The following ACSF3 variants were observed in gnomAD, a reference collection of about 807,000 sequenced individuals.
The protein encoded by ACSF3 is malonate--CoA ligase ACSF3, mitochondrial.
In ACSF3, 78 loss-of-function variants were observed where a neutral mutation model predicts 53.2. That is an observed-to-expected ratio of 1.47 (90% confidence interval 1.22 to 1.77). The LOEUF (loss-of-function observed/expected upper bound fraction) is 1.77. Ranked by LOEUF, ACSF3 falls within the 40% of genes most tolerant of loss-of-function variation. The pLI is 0.00. For synonymous variants in ACSF3, 414 were observed against 333.1 expected (o/e 1.24, Z -2.65); for missense variants, 937 against 771.1 (o/e 1.22, Z -2.55).
intron 4 of ACSF3, among the ~76,000 whole-genome samples, chr16:89,109,779 G>C (rs1976473122): frequency 6.6e-6 from 1 of 152,100 alleles, no homozygotes; most frequent in African/African-American, 2.4e-5. Context: ...CAGAAACAGA[G>C]CCTCCCTATG....
At chr16:89,115,564 G>A (rs959199591) in intron 6 of ACSF3, among the ~76,000 whole-genome samples, 3 of 152,356 alleles carry the variant, frequency 2.0e-5, no homozygotes, top group Middle Eastern at 3.4e-3. Flanking sequence ...TTTAAGCAAT[G>A]ACACGTGAGA....
At chr16:89,123,704 G>A (rs746986569) in intron 7 of ACSF3, among the ~76,000 whole-genome samples, 1 of 152,216 alleles carries the variant, frequency 6.6e-6, no homozygotes, top group Non-Finnish European at 1.5e-5. Context: ...ATATTTGTCA[G>A]GAAACAGAAA....
intron 1 of ACSF3, among the ~76,000 whole-genome samples, chr16:89,094,395 A>C (rs1974367194): frequency 6.6e-6 from 1 of 152,110 alleles, no homozygotes; most frequent in African/African-American, 2.4e-5. Context: ...TGCTGCGTGC[A>C]CCTTGCTGGG....
intron 8 of ACSF3, among the ~76,000 whole-genome samples, chr16:89,142,518 T>C (rs76750085): frequency 4.8e-4 from 51 of 107,270 alleles, no homozygotes; most frequent in African/African-American, 1.7e-3. Context: ...TGCAGAGACA[T>C]ACCCACACCT....
chr16:89,140,076 C>T (rs1035499094), intron 8 of ACSF3, among the ~76,000 whole-genome samples: 1 of 152,234 alleles, frequency 6.6e-6, no homozygotes. Flanking sequence ...AAGCCTCTTT[C>T]ACCCTTGGCC....
At chr16:89,153,884 C>T (rs553817375) in intron 10 of ACSF3, 24 of 606,580 alleles carry the variant, frequency 4.0e-5, no homozygotes, top group African/African-American at 2.2e-4. Context: ...AACACCATGC[C>T]GGGCACCTCC....
chr16:89,147,970 G>T (rs1913416869), intron 10 of ACSF3: 1 of 152,208 alleles, frequency 6.6e-6, no homozygotes, highest in African/African-American at 2.4e-5. Context: ...TACAGTGGGG[G>T]TGCAGGCATT....
At chr16:89,133,557 C>A (rs868455915) in intron 8 of ACSF3, among the ~76,000 whole-genome samples, 1 of 152,196 alleles carries the variant, frequency 6.6e-6, no homozygotes, top group African/African-American at 2.4e-5. Context: ...CCGGCACGCA[C>A]GCACCCTGAC....
chr16:89,106,992 C>T (rs1976062865), intron 4 of ACSF3, among the ~76,000 whole-genome samples: 1 of 152,246 alleles, frequency 6.6e-6, no homozygotes, highest in Admixed American at 6.5e-5. Context: ...TCACTCGTCT[C>T]CAACAGCACT....
At chr16:89,142,542 CACCT>C (rs1461013270) in intron 8 of ACSF3, among the ~76,000 whole-genome samples, 5 of 112,134 alleles carry the variant, frequency 4.5e-5, no homozygotes, top group Non-Finnish European at 7.7e-5. Context: ...GACACACCCA[CACCT>C]GCAGACACAC....
intron 6 of ACSF3, among the ~76,000 whole-genome samples, chr16:89,118,730 T>A (rs1905841756): frequency 6.6e-6 from 1 of 152,204 alleles, no homozygotes; most frequent in African/African-American, 2.4e-5. Context: ...CCTGGGCCAC[T>A]CTGTGGCATT....
rs114033092 is a variant in ACSF3, at chr16:89,144,536, G to A, written c.1367-731G>A. On this transcript the variant is annotated intron_variant, in intron 8 of 10. Transcript: ENST00000614302. ...TGGGCATTCACTGCTGGAGCCCACC[G>A]TGGTGGGATGTTGTAATGTGTCTGG... Among the ~76,000 whole-genome samples the A allele has an allele frequency of 3.0e-3, 451 of 152,352 alleles. 6 individuals carry two copies. Among genetic ancestry groups the A allele is most frequent in the African/African-American group, 0.01 (417 of 41,586 alleles).
intron 6 of ACSF3, 64 bp from the exon 7 acceptor site, chr16:89,120,737 G>A: frequency 1.3e-6 from 2 of 1,498,570 alleles, no homozygotes; most frequent in East Asian, 4.5e-5. Flanking sequence ...AGCTCAGTGT[G>A]TGCTTCTCTC....
intron 10 of ACSF3, 39 bp from the exon 11 acceptor site, chr16:89,154,051 G>T: frequency 6.2e-7 from 1 of 1,600,264 alleles, no homozygotes; most frequent in Admixed American, 1.7e-5. Context: ...GCTGGGCACT[G>T]TCAGGGCAGT....
intron 7 of ACSF3, among the ~76,000 whole-genome samples, chr16:89,124,714 G>T (rs1907612169): frequency 6.6e-6 from 1 of 151,912 alleles, no homozygotes; most frequent in South Asian, 2.1e-4. Context: ...TGATACCCAT[G>T]TGCGCACTGC....
At chr16:89,124,482 A>G (rs1057279885) in intron 7 of ACSF3, among the ~76,000 whole-genome samples, 1 of 76,288 alleles carries the variant, frequency 1.3e-5, no homozygotes, top group South Asian at 3.3e-4. Context: ...ATACCCGTGC[A>G]CACACTGAGT....
intron 10 of ACSF3, among the ~76,000 whole-genome samples, chr16:89,147,062 A>T (rs1913093910): frequency 6.6e-6 from 1 of 151,668 alleles, no homozygotes; most frequent in Non-Finnish European, 1.5e-5. Flanking sequence ...GGGAGGCCTC[A>T]GGAAACTTAC....
chr16:89,110,659 A>G (rs1255324429), intron 4 of ACSF3, among the ~76,000 whole-genome samples: 2 of 152,144 alleles, frequency 1.3e-5, no homozygotes, highest in East Asian at 1.9e-4. Context: ...TTTCGTGTAA[A>G]ACGTAGGATA....
chr16:89,142,353 GC>G (rs1489278926), intron 8 of ACSF3, among the ~76,000 whole-genome samples: 1 of 152,194 alleles, frequency 6.6e-6, no homozygotes, highest in Non-Finnish European at 1.5e-5. Flanking sequence ...GGGTCTCAGG[GC>G]CTGACCATGC....
Sources: gnomAD v4.1 joint callset for allele counts (sites outside exome capture counted in the v4.1 genomes callset) on GRCh38, gnomAD v4.1.1 for gene constraint, MANE v1.5 for transcripts, NCBI Gene and HGNC (gene_info 2026-07-23, HGNC 2026-07-21) for gene names.